HYCC1: variants seen among roughly 807,000 people sequenced by gnomAD.
The protein encoded by HYCC1 is hyccin PI4KA lipid kinase complex subunit 1.
chr7:22,949,072 CTT>C, the HYCC1 span, among the ~76,000 whole-genome samples: 1 of 151,938 alleles, frequency 6.6e-6, no homozygotes, highest in Non-Finnish European at 1.5e-5. Context: ...AAAAATCAAA[CTT>C]CGGAAATTAT....
chr7:23,002,164 A>ATATATATAAT, the HYCC1 span, among the ~76,000 whole-genome samples: 1 of 26,138 alleles, frequency 3.8e-5, no homozygotes, highest in African/African-American at 9.9e-5. Flanking sequence ...ATATATATAT[A>ATATATATAAT]TATATATATA....
At chr7:22,924,760 G>A in the HYCC1 span, among the ~76,000 whole-genome samples, 1 of 152,198 alleles carries the variant, frequency 6.6e-6, no homozygotes, top group Non-Finnish European at 1.5e-5. Flanking sequence ...CTGGGGGCAG[G>A]GCACAGACAA....
the HYCC1 span, among the ~76,000 whole-genome samples, chr7:23,009,196 T>A: frequency 1.4e-4 from 21 of 152,112 alleles, no homozygotes; most frequent in African/African-American, 3.4e-4. Context: ...GAAATAAGTA[T>A]CTCTGGGTGG....
chr7:23,010,213 T>C, the HYCC1 span, among the ~76,000 whole-genome samples: 99,448 of 152,034 alleles, frequency 0.65, 32,543 homozygotes, highest in Non-Finnish European at 0.67. Context: ...TTAGAGATGT[T>C]GCTTCCAGGA....
the HYCC1 span, among the ~76,000 whole-genome samples, chr7:22,927,626 C>T: frequency 6.6e-6 from 1 of 152,150 alleles, no homozygotes; most frequent in Non-Finnish European, 1.5e-5. Flanking sequence ...TCTCCCAAGA[C>T]TAAACCAGGA....
chr7:22,928,166 G>C, the HYCC1 span, among the ~76,000 whole-genome samples: 2 of 152,132 alleles, frequency 1.3e-5, no homozygotes, highest in Admixed American at 1.3e-4. Flanking sequence ...CAATAAATTA[G>C]GTATTGATGG....
chr7:22,911,744 A>T, the HYCC1 span, among the ~76,000 whole-genome samples: 1 of 152,214 alleles, frequency 6.6e-6, no homozygotes, highest in African/African-American at 2.4e-5. Flanking sequence ...GTGACACAGC[A>T]AGACTCCATA....
the HYCC1 span, among the ~76,000 whole-genome samples, chr7:23,005,006 C>T: frequency 6.6e-6 from 1 of 152,088 alleles, no homozygotes; most frequent in Non-Finnish European, 1.5e-5. Flanking sequence ...AGGGTTTCAC[C>T]GTGTTAGTCA....
chr7:22,920,361 C>A, the HYCC1 span, among the ~76,000 whole-genome samples: 1 of 151,700 alleles, frequency 6.6e-6, no homozygotes, highest in East Asian at 1.9e-4. Context: ...ATAAAAAGAA[C>A]AAAAGAAAAG....
chr7:22,974,257 C>A, the HYCC1 span, among the ~76,000 whole-genome samples: 5 of 152,078 alleles, frequency 3.3e-5, no homozygotes, highest in African/African-American at 4.8e-5. Context: ...TCCCTTCCAC[C>A]CTCCCACCTT....
chr7:22,929,600 C>A, the HYCC1 span, among the ~76,000 whole-genome samples: 1 of 152,224 alleles, frequency 6.6e-6, no homozygotes, highest in African/African-American at 2.4e-5. Flanking sequence ...AAATGCTCAT[C>A]ATCACTGACC....
the HYCC1 span, among the ~76,000 whole-genome samples, chr7:22,898,918 A>T: frequency 6.6e-6 from 1 of 152,158 alleles, no homozygotes; most frequent in Non-Finnish European, 1.5e-5. Context: ...ATATTTCTCA[A>T]TCCCTTCCAA....
At chr7:22,931,798 G>A in the HYCC1 span, among the ~76,000 whole-genome samples, 2 of 152,288 alleles carry the variant, frequency 1.3e-5, no homozygotes, top group East Asian at 3.9e-4. Flanking sequence ...AGTGGCAGTA[G>A]AGCTGACTGA....
chr7:22,978,848 T>G, the HYCC1 span, among the ~76,000 whole-genome samples: 12 of 152,188 alleles, frequency 7.9e-5, no homozygotes, highest in African/African-American at 2.9e-4. Context: ...AATTTTATTT[T>G]AAACATAATT....
At chr7:22,973,268 T>C in the HYCC1 span, among the ~76,000 whole-genome samples, 3 of 152,220 alleles carry the variant, frequency 2.0e-5, no homozygotes, top group African/African-American at 7.2e-5. Flanking sequence ...TCCATAGATA[T>C]GAACTAGGCT....
chr7:22,966,339 T>C, the HYCC1 span, among the ~76,000 whole-genome samples: 29,988 of 152,124 alleles, frequency 0.2, 3,490 homozygotes, highest in Non-Finnish European at 0.27. Flanking sequence ...TCGCCCAGGC[T>C]GGAGTGCAGT....
the HYCC1 span, among the ~76,000 whole-genome samples, chr7:22,949,744 T>C: frequency 6.6e-6 from 1 of 151,952 alleles, no homozygotes; most frequent in Admixed American, 6.6e-5. Context: ...TGTAATCACT[T>C]TTATCAGAAT....
chr7:22,944,906 A>G, the HYCC1 span: 1 of 152,348 alleles, frequency 6.6e-6, no homozygotes, highest in Non-Finnish European at 1.5e-5. Context: ...TTTCAGAGAT[A>G]ACAACAGAAA....
the HYCC1 span, among the ~76,000 whole-genome samples, chr7:22,932,291 G>T: frequency 0.015 from 2,274 of 152,164 alleles, 34 homozygotes; most frequent in Non-Finnish European, 0.026. Flanking sequence ...GTAAAGATGG[G>T]GTAAAATGAA....
Sources: allele counts gnomAD v4.1 joint callset (sites outside exome capture counted in the v4.1 genomes callset), GRCh38; gene constraint gnomAD v4.1.1; transcripts MANE v1.5; gene names NCBI Gene and HGNC (gene_info 2026-07-23, HGNC 2026-07-21).